The following FAM135B variants were observed in gnomAD, a reference collection of about 807,000 sequenced individuals.
FAM135B encodes family with sequence similarity 135 member B, also known as protein FAM135B.
A neutral mutation model predicts 127.7 loss-of-function variants in FAM135B; 43 were observed. That is an observed-to-expected ratio of 0.34 (90% CI 0.26 to 0.43). The LOEUF (loss-of-function observed/expected upper bound fraction) is 0.43. FAM135B is among the 20% of genes least tolerant of loss of function. The pLI is 1.00. For missense variants in FAM135B, 1,558 were observed against 1,725.6 expected (o/e 0.90, Z 1.72); for synonymous variants, 670 against 665.1 (o/e 1.01, Z -0.11).
rs149049361 is a variant in FAM135B, at chr8:138,318,844, G to A, written c.78-7924C>T. On this transcript the variant is annotated intron_variant, in intron 2 of 19. Transcript: ENST00000395297. ...ATTTCAATTAGGTTGACCCATTCAG[G>A]TTCTGTCCTGATTAAACAGAATGCT... 6.6e-4 allele frequency among the ~76,000 whole-genome samples: 101 copies of A among 152,262 alleles called. 2 individuals are homozygous for A. Among genetic ancestry groups the A allele is most frequent in the African/African-American group, 2.4e-3 (99 of 41,562 alleles).
chr8:138,265,992 C>T (rs751853053), intron 3 of FAM135B, 150 bp from the exon 4 acceptor site: 24 of 737,714 alleles, frequency 3.3e-5, no homozygotes, highest in African/African-American at 7.0e-5. Context: ...TGAGACCTCA[C>T]CATATGAATG....
At chr8:138,220,909 C>A (rs1383552712) in intron 7 of FAM135B, among the ~76,000 whole-genome samples, 1 of 152,186 alleles carries the variant, frequency 6.6e-6, no homozygotes, top group South Asian at 2.1e-4. Context: ...TACTCACCCA[C>A]GTGAAATAAC....
intron 1 of FAM135B, among the ~76,000 whole-genome samples, chr8:138,495,762 A>G (rs1815367529): frequency 6.6e-6 from 1 of 152,138 alleles, no homozygotes; most frequent in Admixed American, 6.5e-5. Flanking sequence ...AGTCCATCAC[A>G]CTGTATGGAC....
chr8:138,351,573 A>G (rs967937388), intron 2 of FAM135B, among the ~76,000 whole-genome samples: 3 of 152,020 alleles, frequency 2.0e-5, no homozygotes, highest in Admixed American at 2.0e-4. Context: ...TAGACCCAAC[A>G]ACTGTGACAC....
At chr8:138,322,851 T>C (rs1019681961) in intron 2 of FAM135B, among the ~76,000 whole-genome samples, 1 of 152,108 alleles carries the variant, frequency 6.6e-6, no homozygotes, top group African/African-American at 2.4e-5. Context: ...GAAGACACTG[T>C]GATGCGGAGG....
chr8:138,425,242 A>G (rs1193908259), intron 1 of FAM135B, among the ~76,000 whole-genome samples: 1 of 152,168 alleles, frequency 6.6e-6, no homozygotes, highest in African/African-American at 2.4e-5. Flanking sequence ...GCAGCCTTTG[A>G]TGTGGGTAAG....
chr8:138,382,040 G>A (rs16909042), intron 1 of FAM135B, among the ~76,000 whole-genome samples: 2,234 of 152,238 alleles, frequency 0.015, 46 homozygotes, highest in African/African-American at 0.051. Context: ...CCCTGGTCAC[G>A]GTGGTTTGGG....
At chr8:138,350,731 T>C (rs921073291) in intron 2 of FAM135B, among the ~76,000 whole-genome samples, 17 of 152,196 alleles carry the variant, frequency 1.1e-4, no homozygotes, top group African/African-American at 4.1e-4. Context: ...AGGCAAAGCT[T>C]CTTTTTCCTA....
chr8:138,182,853 C>G (rs1384786404), intron 9 of FAM135B, among the ~76,000 whole-genome samples: 2 of 152,196 alleles, frequency 1.3e-5, no homozygotes, highest in Non-Finnish European at 2.9e-5. Flanking sequence ...ATGTCTGGGC[C>G]CGTCTCAGAT....
At chr8:138,301,149 C>CTGTG (rs1275036987) in intron 3 of FAM135B, among the ~76,000 whole-genome samples, 29 of 152,090 alleles carry the variant, frequency 1.9e-4, no homozygotes, top group African/African-American at 7.0e-4. Context: ...GGACCTTGGG[C>CTGTG]CACACATTGA....
intron 12 of FAM135B, among the ~76,000 whole-genome samples, chr8:138,165,566 A>G (rs1473902875): frequency 1.3e-5 from 2 of 152,224 alleles, no homozygotes; most frequent in South Asian, 4.1e-4. Context: ...CCTAATAATG[A>G]TAATACTAGA....
In FAM135B at chr8:138,397,836, G is replaced by A. The variant is rs540422700; in HGVS notation, c.-19-29834C>T. Among the ~76,000 whole-genome samples, 6 of 152,154 alleles carry A rather than the reference G, an allele frequency of 3.9e-5. No homozygotes were observed. The East Asian group carries it at 9.7e-4, about 25-fold the overall frequency. ...CTCCAGCCTTGGAGAACAAGGTGTC[G>A]CCATCCCTTCCTTGCCCAGGGCAGC... On this transcript the variant is annotated intron_variant, in intron 1 of 19. Coordinates refer to ENST00000395297, the MANE Select transcript of FAM135B (RefSeq NM_015912.4).
intron 11 of FAM135B, among the ~76,000 whole-genome samples, chr8:138,176,878 C>T (rs1343080448): frequency 6.6e-6 from 1 of 152,146 alleles, no homozygotes; most frequent in South Asian, 2.1e-4. Flanking sequence ...CCTTGAGTAC[C>T]TTTCAATTTT....
intron 6 of FAM135B, among the ~76,000 whole-genome samples, chr8:138,247,331 G>A (rs1821367458): frequency 6.6e-6 from 1 of 152,196 alleles, no homozygotes. Flanking sequence ...ATCCTCACAT[G>A]TGGTGGGAGG....
At chr8:138,328,279 A>G (rs771500740) in intron 2 of FAM135B, among the ~76,000 whole-genome samples, 1 of 152,158 alleles carries the variant, frequency 6.6e-6, no homozygotes, top group Non-Finnish European at 1.5e-5. Context: ...TGAAGCTTAC[A>G]TGTCATTTTG....
intron 2 of FAM135B, among the ~76,000 whole-genome samples, chr8:138,348,227 C>T (rs1829547336): frequency 6.9e-6 from 1 of 145,180 alleles, no homozygotes; most frequent in South Asian, 2.2e-4. Context: ...CTCCACTTCC[C>T]AGGTTCAAGC....
In FAM135B at chr8:138,148,713, G is replaced by A. The variant is rs769331833; in HGVS notation, c.3282-27C>T. On this transcript the variant is annotated intron_variant, in intron 13 of 19. Transcript: ENST00000395297. ...TGGAGAATACACTAATTAATCACAA[G>A]CCAAGCTGTGTACTTCATGTTGAAC... 5.8e-6 allele frequency: 9 copies of A among 1,556,742 alleles called. No homozygotes were observed. The Admixed American group carries it at 1.6e-4, about 27-fold the overall frequency.
chr8:138,426,214 G>A (rs1460352888), intron 1 of FAM135B, among the ~76,000 whole-genome samples: 2 of 150,006 alleles, frequency 1.3e-5, no homozygotes, highest in Admixed American at 1.3e-4. Flanking sequence ...ATTGTACCAA[G>A]GAAGACTACA....
chr8:138,464,173 G>T (rs1837270981), intron 1 of FAM135B, among the ~76,000 whole-genome samples: 3 of 152,156 alleles, frequency 2.0e-5, no homozygotes, highest in Admixed American at 6.5e-5. Context: ...CCTTAAGAAG[G>T]TTGCAGCCTA....
Sources: allele counts gnomAD v4.1 joint callset (sites outside exome capture counted in the v4.1 genomes callset), GRCh38; gene constraint gnomAD v4.1.1; transcripts MANE v1.5; gene names NCBI Gene and HGNC (gene_info 2026-07-23, HGNC 2026-07-21).